Variants in DAB1 observed in about 807,000 individuals in gnomAD.
DAB1 encodes the protein DAB adaptor protein 1.
Under a neutral mutation model 64.6 loss-of-function variants are expected in DAB1, and 15 were observed. The ratio of observed to expected loss-of-function variants is 0.23; its 90% CI spans 0.16 to 0.36. DAB1 has a LOEUF of 0.36. Among genes scored for constraint, DAB1 ranks in the 10% least tolerant of loss-of-function variants. The pLI, the probability that DAB1 is intolerant of heterozygous loss-of-function variation, is 1.00. For missense variants in DAB1, 596 were observed against 706.7 expected (o/e 0.84, Z 1.78); for synonymous variants, 235 against 251.9 (o/e 0.93, Z 0.64).
intron 2 of DAB1, among the ~76,000 whole-genome samples, chr1:57,203,988 C>A (rs966119063): frequency 2.6e-5 from 4 of 152,094 alleles, no homozygotes; most frequent in Admixed American, 1.3e-4. Context: ...CTCCCAGGTT[C>A]AAGAGATTCT....
At chr1:57,362,394 C>T (rs1216867555) in intron 1 of DAB1, among the ~76,000 whole-genome samples, 2 of 152,156 alleles carry the variant, frequency 1.3e-5, no homozygotes, top group Non-Finnish European at 2.9e-5. Context: ...AGGAGCATTA[C>T]TCCTATACCT....
chr1:58,180,771 G>A (rs1449784891), intron 4 of DAB1, among the ~76,000 whole-genome samples: 1 of 151,988 alleles, frequency 6.6e-6, no homozygotes, highest in Admixed American at 6.5e-5. Context: ...CCAAATATTT[G>A]TGGATTTCCC....
chr1:57,846,675 T>A (rs530352170), intron 1 of DAB1, among the ~76,000 whole-genome samples: 155 of 151,442 alleles, frequency 1.0e-3, no homozygotes, highest in Non-Finnish European at 1.7e-3. Flanking sequence ...TTCATGTCAG[T>A]TTTTTTTTCC....
chr1:57,843,048 A>G (rs182628118), intron 1 of DAB1, among the ~76,000 whole-genome samples: 121 of 152,300 alleles, frequency 7.9e-4, no homozygotes, highest in Non-Finnish European at 2.2e-4. Context: ...GCCCAGCATC[A>G]TAAGAGAGTA....
chr1:57,749,512 G>C (rs1324451682), intron 6 of DAB1, among the ~76,000 whole-genome samples: 4 of 152,196 alleles, frequency 2.6e-5, no homozygotes, highest in Admixed American at 2.0e-4. Flanking sequence ...GTCCACAGTT[G>C]GGGATGGTGA....
At chr1:58,029,145 A>G (rs2100474468) in intron 5 of DAB1, among the ~76,000 whole-genome samples, 1 of 152,312 alleles carries the variant, frequency 6.6e-6, no homozygotes, top group South Asian at 2.1e-4. Context: ...ATTCTCCCAC[A>G]GTAGAAAGAG....
chr1:57,760,620 T>TCACA (rs60457752), intron 6 of DAB1, among the ~76,000 whole-genome samples: 5 of 140,412 alleles, frequency 3.6e-5, no homozygotes, highest in Non-Finnish European at 7.8e-5. Context: ...TCTCTCTCTC[T>TCACA]CACACACACA....
intron 4 of DAB1, among the ~76,000 whole-genome samples, chr1:57,125,237 G>C (rs1346978049): frequency 6.6e-6 from 1 of 152,134 alleles, no homozygotes; most frequent in Non-Finnish European, 1.5e-5. Flanking sequence ...AGACCCCATA[G>C]GTCCCTGAAG....
At chr1:57,729,277 A>C (rs182986497) in intron 6 of DAB1, among the ~76,000 whole-genome samples, 1 of 152,348 alleles carries the variant, frequency 6.6e-6, no homozygotes, top group Non-Finnish European at 1.5e-5. Context: ...ATGGCTGTGT[A>C]TGTTCCTCTG....
intron 2 of DAB1, among the ~76,000 whole-genome samples, chr1:57,207,866 A>G (rs1291750833): frequency 6.6e-6 from 1 of 152,172 alleles, no homozygotes; most frequent in Admixed American, 6.5e-5. Context: ...TATAAGTTTA[A>G]TAAAGGCTCA....
At chr1:58,296,203 AAG>A (rs761479535) in intron 4 of DAB1, among the ~76,000 whole-genome samples, 1 of 89,650 alleles carries the variant, frequency 1.1e-5, no homozygotes, top group Non-Finnish European at 2.3e-5. Flanking sequence ...AAGAGAAAGA[AAG>A]AAAGAAAGAA....
At chr1:57,607,766 G>A (rs535017271) in intron 7 of DAB1, among the ~76,000 whole-genome samples, 1 of 152,292 alleles carries the variant, frequency 6.6e-6, no homozygotes, top group African/African-American at 2.4e-5. Context: ...AAAAGACAGA[G>A]GGGATAATAA....
chr1:57,204,365 T>C (rs1006643013), intron 2 of DAB1, among the ~76,000 whole-genome samples: 2 of 151,222 alleles, frequency 1.3e-5, no homozygotes, highest in Non-Finnish European at 2.9e-5. Context: ...GGCTCTTCCC[T>C]GATCTCTCAC....
At chr1:57,722,882 G>T (rs75203034) in intron 6 of DAB1, among the ~76,000 whole-genome samples, 2 of 152,090 alleles carry the variant, frequency 1.3e-5, no homozygotes, top group African/African-American at 4.8e-5. Context: ...TCTGTCCCAC[G>T]CCCTAAATCT....
intron 4 of DAB1, among the ~76,000 whole-genome samples, chr1:57,128,005 G>A (rs190471253): frequency 8.5e-4 from 129 of 151,940 alleles, no homozygotes; most frequent in African/African-American, 3.0e-3. Context: ...AAAATTAGCC[G>A]GCATGGTGGG....
In DAB1 at chr1:57,062,834, G is replaced by A. The variant is rs372957588; in HGVS notation, c.723+50C>T. The A allele has an allele frequency of 1.6e-5, 23 of 1,473,626 alleles. No homozygotes were observed. The African/African-American group carries it at 1.7e-4, about 11-fold the overall frequency. 91.3% of individuals were successfully genotyped at this position (1,473,626 alleles called of 1,614,324 possible). ...CTTCCGCAGGCTGTAGACAGCCTCAGTGTGAATCCAGGTCACGGAAACCTG... is the reference window on the plus strand; with the variant it reads ...CTTCCGCAGGCTGTAGACAGCCTCAATGTGAATCCAGGTCACGGAAACCTG... On this transcript the variant is annotated intron_variant, in intron 9 of 14. Transcript: ENST00000371236.
chr1:58,219,615 C>G (rs1271271297), intron 4 of DAB1, among the ~76,000 whole-genome samples: 2 of 152,178 alleles, frequency 1.3e-5, no homozygotes, highest in Non-Finnish European at 2.9e-5. Flanking sequence ...TCCTCACCAC[C>G]CCTTCCTTAG....
intron 1 of DAB1, among the ~76,000 whole-genome samples, chr1:57,340,465 A>G (rs1415596252): frequency 1.3e-5 from 2 of 152,218 alleles, no homozygotes; most frequent in South Asian, 2.1e-4. Context: ...AAGTCTGTCT[A>G]TCAGATATGC....
intron 7 of DAB1, among the ~76,000 whole-genome samples, chr1:57,565,554 G>A (rs1193739639): frequency 1.3e-5 from 2 of 152,044 alleles, no homozygotes; most frequent in Non-Finnish European, 2.9e-5. Flanking sequence ...ACACAAGTAG[G>A]CTCAAAATAA....
Sources: allele counts gnomAD v4.1 joint callset (sites outside exome capture counted in the v4.1 genomes callset), GRCh38; gene constraint gnomAD v4.1.1; transcripts MANE v1.5; gene names NCBI Gene and HGNC (gene_info 2026-07-23, HGNC 2026-07-21).